Variants in SLC1A3 observed in about 807,000 individuals in gnomAD.
SLC1A3 encodes the protein solute carrier family 1 member 3, also known as excitatory amino acid transporter 1.
A neutral mutation model predicts 48.1 loss-of-function variants in SLC1A3; 21 were observed. The ratio of observed to expected loss-of-function variants is 0.44; its 90% CI spans 0.31 to 0.63. The LOEUF is 0.63. SLC1A3 is among the 20% of genes least tolerant of loss of function. The pLI, the probability that SLC1A3 is intolerant of heterozygous loss-of-function variation, is 0.08. For missense variants in SLC1A3, 546 were observed against 689.0 expected (o/e 0.79, Z 2.32); for synonymous variants, 239 against 251.4 (o/e 0.95, Z 0.47).
At chr5:36,609,846 A>G (rs554984582) in intron 2 of SLC1A3, among the ~76,000 whole-genome samples, 13 of 152,270 alleles carry the variant, frequency 8.5e-5, no homozygotes, top group South Asian at 6.2e-4. Flanking sequence ...GTCCCACATC[A>G]TTGTCCTGGA....
Position 36,608,429 on chromosome 5 carries a change from T to C in SLC1A3, c.6T>C (p.Thr2=), listed in dbSNP as rs766874543. 4 of 1,613,906 alleles carry C rather than the reference T, an allele frequency of 2.5e-6. No homozygotes were observed. In the South Asian group the frequency reaches 4.4e-5, roughly 18 times the overall value. ...CCCTCCTAGAAAAGTAAAATATGAC[T>C]AAAAGCAATGGAGAAGAGCCCAAGA... M[T]KSNGEEPKMG... is the part of the protein sequence containing the mutation. Residue 2 remains threonine, a synonymous_variant, in exon 2 of 10, where the codon ACT becomes ACC. Coordinates refer to ENST00000265113, the MANE Select transcript of SLC1A3 (RefSeq NM_004172.5).
At chr5:36,679,948 TGA>T (rs1485488985) in intron 7 of SLC1A3, 88 bp downstream of exon 7, 13 of 889,678 alleles carry the variant, frequency 1.5e-5, no homozygotes, top group Admixed American at 7.8e-5. Context: ...CATTTTATTC[TGA>T]GTTTTAAACT....
At chr5:36,673,021 T>C (rs1169425447) in intron 4 of SLC1A3, among the ~76,000 whole-genome samples, 1 of 152,192 alleles carries the variant, frequency 6.6e-6, no homozygotes, top group Non-Finnish European at 1.5e-5. Context: ...CTGCCCTGCC[T>C]TGCTGCAGTG....
At chr5:36,610,447 T>C (rs964528269) in intron 2 of SLC1A3, among the ~76,000 whole-genome samples, 1 of 152,206 alleles carries the variant, frequency 6.6e-6, no homozygotes, top group Admixed American at 6.5e-5. Flanking sequence ...AGCTCAGTAA[T>C]ACTGGAGTAT....
At chr5:36,685,832 T>C (rs1205838917) in intron 9 of SLC1A3, among the ~76,000 whole-genome samples, 1 of 152,228 alleles carries the variant, frequency 6.6e-6, no homozygotes. Context: ...TTCCCCACTG[T>C]TGGGACTCTC....
intron 3 of SLC1A3, among the ~76,000 whole-genome samples, chr5:36,648,598 G>A (rs949190979): frequency 1.3e-5 from 2 of 152,092 alleles, no homozygotes; most frequent in African/African-American, 4.8e-5. Context: ...TAACCCCCCT[G>A]GCCTTCTTGT....
At chr5:36,657,885 G>A (rs79029484) in intron 3 of SLC1A3, among the ~76,000 whole-genome samples, 3,821 of 152,310 alleles carry the variant, frequency 0.025, 73 homozygotes, top group East Asian at 0.082. Flanking sequence ...TGTACTCTGC[G>A]CTGACCGCAC....
At chr5:36,609,856 A>G (rs573233615) in intron 2 of SLC1A3, among the ~76,000 whole-genome samples, 1 of 152,316 alleles carries the variant, frequency 6.6e-6, no homozygotes, top group Admixed American at 6.5e-5. Context: ...ATTGTCCTGG[A>G]AGTCAATGCA....
chr5:36,615,322 T>TATC (rs1739385458), intron 2 of SLC1A3, among the ~76,000 whole-genome samples: 2 of 152,396 alleles, frequency 1.3e-5, no homozygotes, highest in East Asian at 3.9e-4. Context: ...AAGTCTAGTT[T>TATC]ATCTTCCTCT....
In SLC1A3 at chr5:36,686,125, G is replaced by T; in HGVS notation, c.1485G>T (p.Glu495Asp). ...ACTCCCTGGGAGCTGGGATTGTGGA[G>T]CACTTGTCACGACATGAACTGAAGA... Reference protein sequence around the residue: ...LGDSLGAGIVEHLSRHELKNR... With the variant: ...LGDSLGAGIVDHLSRHELKNR... Residue 495 changes from glutamate (E) to aspartate (D), a missense_variant, in exon 10 of 10, where the codon GAG (glutamate) becomes GAT (aspartate). Glu to Asp is a conservative substitution (Grantham distance 45). Transcript: ENST00000265113. The T allele has an allele frequency of 6.2e-7, 1 of 1,614,188 alleles. No homozygotes were observed. The highest frequency in any genetic ancestry group is 8.5e-7 in the Non-Finnish European group (1 of 1,180,016).
rs745816344 is a variant in SLC1A3, at chr5:36,608,563, G to A, written c.140G>A (p.Arg47Gln). Residue 47 changes from arginine (R) to glutamine (Q), a missense_variant, in exon 2 of 10, where the codon CGG becomes CAG. This residue lies in a region of SLC1A3 where 348 missense variants were observed against 392.0 expected (regional missense o/e 0.89). Coordinates refer to ENST00000265113, the MANE Select transcript of SLC1A3 (RefSeq NM_004172.5). ...GAGGATGTTAAAAGTTACCTGTTTC[G>A]GAATGCTTTTGTGCTGCTCACAGTC... Reference protein sequence around the residue: ...TKEDVKSYLFRNAFVLLTVTA... With the variant: ...TKEDVKSYLFQNAFVLLTVTA... 1.2e-5 allele frequency: 20 copies of A among 1,613,996 alleles called. No homozygotes were observed. The highest frequency in any genetic ancestry group is 7.7e-5 in the South Asian group (7 of 91,078).
At chr5:36,649,077 C>T (rs150476205) in intron 3 of SLC1A3, among the ~76,000 whole-genome samples, 6 of 152,098 alleles carry the variant, frequency 3.9e-5, no homozygotes, top group African/African-American at 1.4e-4. Context: ...GGCCTGGTGG[C>T]TCATGCCTGT....
At chr5:36,635,407 G>C (rs1368207046) in intron 3 of SLC1A3, among the ~76,000 whole-genome samples, 1 of 152,202 alleles carries the variant, frequency 6.6e-6, no homozygotes, top group Non-Finnish European at 1.5e-5. Context: ...AGAAGACAGA[G>C]CTTCAAGTCA....
chr5:36,638,140 G>A (rs891312054), intron 3 of SLC1A3, among the ~76,000 whole-genome samples: 2 of 151,692 alleles, frequency 1.3e-5, no homozygotes, highest in Non-Finnish European at 2.9e-5. Flanking sequence ...GTGTAGATAC[G>A]TTTCCACCTT....
chr5:36,601,325 A>G (rs1442104917), intron 1 of SLC1A3, among the ~76,000 whole-genome samples: 3 of 152,242 alleles, frequency 2.0e-5, no homozygotes, highest in Non-Finnish European at 4.4e-5. Flanking sequence ...GAAGCCATTA[A>G]TCACTGAGTG....
intron 3 of SLC1A3, among the ~76,000 whole-genome samples, chr5:36,651,141 TAA>T (rs58660599): frequency 0.06 from 6,918 of 114,510 alleles, 512 homozygotes; most frequent in African/African-American, 0.19. Context: ...AAGTTTTTTT[TAA>T]AAAAAAAAAA....
At chr5:36,673,848 T>A (rs558945291) in intron 4 of SLC1A3, among the ~76,000 whole-genome samples, 51 of 152,272 alleles carry the variant, frequency 3.3e-4, no homozygotes, top group South Asian at 1.5e-3. Flanking sequence ...AAGTTTGGAC[T>A]CCCCTGAAAA....
chr5:36,647,636 G>A (rs904902128), intron 3 of SLC1A3, among the ~76,000 whole-genome samples: 5 of 152,064 alleles, frequency 3.3e-5, no homozygotes, highest in African/African-American at 7.2e-5. Flanking sequence ...TCTCACAACC[G>A]AAGAGCACTT....
At chr5:36,663,272 G>A (rs537747689) in intron 3 of SLC1A3, among the ~76,000 whole-genome samples, 106 of 151,702 alleles carry the variant, frequency 7.0e-4, no homozygotes, top group Admixed American at 1.6e-3. Context: ...CTGGAGTGCA[G>A]TAGCGTGATC....
Sources: allele counts gnomAD v4.1 joint callset (sites outside exome capture counted in the v4.1 genomes callset), GRCh38; gene constraint gnomAD v4.1.1; regional missense constraint gnomAD v4.1.1; transcripts MANE v1.5; gene names NCBI Gene and HGNC (gene_info 2026-07-23, HGNC 2026-07-21).